The following CHDH variants were observed in gnomAD, a reference collection of about 807,000 sequenced individuals.
The protein encoded by CHDH is choline dehydrogenase, mitochondrial.
A neutral mutation model predicts 56.9 loss-of-function variants in CHDH; 43 were observed. That is an observed-to-expected ratio of 0.76 (90% confidence interval 0.59 to 0.97). CHDH has a LOEUF of 0.97. CHDH is among the 50% of genes least tolerant of loss of function. The probability of loss-of-function intolerance (pLI) is 0.00; values close to 1 mark genes in which losing one functional copy is unlikely to be tolerated. For missense variants in CHDH, 816 were observed against 821.1 expected (o/e 0.99, Z 0.08); for synonymous variants, 364 against 348.5 (o/e 1.04, Z -0.50).
At chr3:53,839,622 T>G (rs1305862899) in intron 2 of CHDH, among the ~76,000 whole-genome samples, 1 of 152,220 alleles carries the variant, frequency 6.6e-6, no homozygotes, top group Non-Finnish European at 1.5e-5. Flanking sequence ...GAATGCAAAT[T>G]AGTACAGCCA....
intron 2 of CHDH, 37 bp from the exon 3 acceptor site, chr3:53,824,104 C>G: frequency 7.3e-6 from 9 of 1,226,820 alleles, no homozygotes; most frequent in Admixed American, 3.3e-5. Context: ...ATCTTAACTC[C>G]GCATATCCAG....
At chr3:53,832,278 TC>T (rs1402426144) in intron 2 of CHDH, among the ~76,000 whole-genome samples, 1 of 152,176 alleles carries the variant, frequency 6.6e-6, no homozygotes, top group Admixed American at 6.5e-5. Flanking sequence ...ACGCCTGTAA[TC>T]CCAGCACTTT....
chr3:53,836,329 ACCAGG>A (rs1048065955), intron 2 of CHDH, among the ~76,000 whole-genome samples: 4 of 152,154 alleles, frequency 2.6e-5, no homozygotes, highest in Non-Finnish European at 4.4e-5. Flanking sequence ...CCTAAGCCCG[ACCAGG>A]CCAGGCCCCG....
In CHDH at chr3:53,819,681, A is replaced by AGCAGAAGAGGATGAG; in HGVS notation, c.1121-22_1121-8dup. 1 of 1,590,762 alleles carries AGCAGAAGAGGATGAG rather than the reference A, an allele frequency of 6.3e-7. No homozygotes were observed. Among genetic ancestry groups the AGCAGAAGAGGATGAG allele is most frequent in the Non-Finnish European group, 8.6e-7 (1 of 1,168,226 alleles). On this transcript the variant is annotated splice_region_variant and splice_polypyrimidine_tract_variant and intron_variant, in intron 6 of 8. Transcript: ENST00000315251. The surrounding 1 kb of genome is among the most constrained non-coding windows in gnomAD (Gnocchi z 5.4). ...TGGGCAGTGGCTCCCTCCCCTGAGA[A>AGCAGAAGAGGATGAG]GCAGAAGAGGATGAGGCAGAAGAGC...
chr3:53,835,818 G>A (rs1167348634), intron 2 of CHDH, among the ~76,000 whole-genome samples: 5 of 152,138 alleles, frequency 3.3e-5, no homozygotes, highest in Non-Finnish European at 7.4e-5. Context: ...GGGGTGGAGG[G>A]TCTTCATCAT....
At chr3:53,843,588 T>C (rs1036242763) in intron 1 of CHDH, among the ~76,000 whole-genome samples, 3 of 151,962 alleles carry the variant, frequency 2.0e-5, no homozygotes, top group African/African-American at 7.3e-5. Flanking sequence ...TCAAACCAGC[T>C]CCCCTGGGTG....
chr3:53,823,265 A>G (rs1334818235), intron 3 of CHDH, 41 bp downstream of exon 3: 1 of 1,436,928 alleles, frequency 7.0e-7, no homozygotes, highest in Non-Finnish European at 9.2e-7. Context: ...GGGCTGGGGT[A>G]GGGGGTAGTG....
At chr3:53,835,619 C>T (rs1483413375) in intron 2 of CHDH, among the ~76,000 whole-genome samples, 3 of 152,178 alleles carry the variant, frequency 2.0e-5, no homozygotes, top group Non-Finnish European at 4.4e-5. Flanking sequence ...TGTGAGACCT[C>T]GAACAAGATT....
At chr3:53,831,225 G>A (rs1402740180) in intron 2 of CHDH, among the ~76,000 whole-genome samples, 1 of 152,252 alleles carries the variant, frequency 6.6e-6, no homozygotes. Context: ...CATGGTGTGA[G>A]TGCCAGCTCA....
At chr3:53,822,208 G>C (rs1328468408) in intron 4 of CHDH, among the ~76,000 whole-genome samples, 1 of 152,040 alleles carries the variant, frequency 6.6e-6, no homozygotes, top group Non-Finnish European at 1.5e-5. Context: ...AGCTTTCTGT[G>C]ACATCGGTGC....
chr3:53,821,140 C>T (rs1334039626), intron 5 of CHDH, among the ~76,000 whole-genome samples: 1 of 152,274 alleles, frequency 6.6e-6, no homozygotes, highest in Non-Finnish European at 1.5e-5. Context: ...AGGCCTAGCC[C>T]TCCCGGAGTG....
chr3:53,836,898 C>T (rs946260047), intron 2 of CHDH, among the ~76,000 whole-genome samples: 6 of 152,262 alleles, frequency 3.9e-5, no homozygotes, highest in Admixed American at 3.9e-4. Flanking sequence ...ATGTCTGTTG[C>T]ACCTCAATTA....
rs200221651 is a variant in CHDH at position 53,818,106 on chromosome 3, G to A, written c.1456C>T (p.Leu486Phe). The A allele has an allele frequency of 6.8e-6, 11 of 1,613,908 alleles. No individual in the cohort carries two copies. Among genetic ancestry groups the A allele is most frequent in the African/African-American group, 1.3e-5 (1 of 74,940 alleles). ...EALAPFRGKE[L>F]QPGSHIQSDK... The stretch of plus-strand genomic sequence containing the variant: ...GACTGAATGTGGCTTCCTGGCTGGA[G>A]CTCTTTCCCTCGGAACGGAGCCAGG... Residue 486 changes from leucine to phenylalanine, a missense_variant, in exon 9 of 9, where the codon CTC becomes TTC. Coordinates refer to ENST00000315251, the MANE Select transcript of CHDH (RefSeq NM_018397.5).
At chr3:53,840,495 C>A (rs1355033768) in intron 2 of CHDH, among the ~76,000 whole-genome samples, 1 of 150,806 alleles carries the variant, frequency 6.6e-6, no homozygotes, top group Non-Finnish European at 1.5e-5. Context: ...CCACTGTACT[C>A]CAGCCTGGAT....
chr3:53,822,280 C>T (rs960852263), intron 4 of CHDH, among the ~76,000 whole-genome samples: 4 of 152,056 alleles, frequency 2.6e-5, no homozygotes. Context: ...CACAGGGGCA[C>T]TGACACCATA....
chr3:53,823,218 G>C (rs1376331522), intron 3 of CHDH, 88 bp downstream of exon 3: 1 of 1,245,368 alleles, frequency 8.0e-7, no homozygotes, highest in East Asian at 2.6e-5. Flanking sequence ...GACCATGCTG[G>C]AGCCAGGAGC....
intron 2 of CHDH, among the ~76,000 whole-genome samples, chr3:53,834,033 CAG>C (rs144416511): frequency 0.025 from 3,779 of 152,266 alleles, 55 homozygotes; most frequent in East Asian, 0.06. Context: ...GTGGATCAAG[CAG>C]AGAGAGGAGT....
chr3:53,826,995 G>A (rs4687589), intron 2 of CHDH, among the ~76,000 whole-genome samples: 14,468 of 152,086 alleles, frequency 0.095, 897 homozygotes, highest in East Asian at 0.18. Flanking sequence ...ATTTAAATTA[G>A]CACCCCAGGC....
At chr3:53,834,005 C>G (rs912491592) in intron 2 of CHDH, among the ~76,000 whole-genome samples, 1 of 152,152 alleles carries the variant, frequency 6.6e-6, no homozygotes, top group African/African-American at 2.4e-5. Context: ...CCCCCAATGC[C>G]AGTGATGGCC....
Sources: gnomAD v4.1 joint callset for allele counts (sites outside exome capture counted in the v4.1 genomes callset) on GRCh38, gnomAD v4.1.1 for gene constraint, Gnocchi (gnomAD v3.1) non-coding constraint, MANE v1.5 for transcripts, NCBI Gene and HGNC (gene_info 2026-07-23, HGNC 2026-07-21) for gene names.